The following KCND3 variants were observed in gnomAD, a reference collection of about 807,000 sequenced individuals.
KCND3 encodes potassium voltage-gated channel subfamily D member 3.
Under a neutral mutation model 51.1 loss-of-function variants are expected in KCND3, and 9 were observed. The observed-to-expected ratio is 0.18, with a 90% CI of 0.11 to 0.31. The LOEUF (loss-of-function observed/expected upper bound fraction) is 0.31. Ranked by LOEUF, KCND3 falls within the 10% of genes least tolerant of loss-of-function variation. The probability of loss-of-function intolerance (pLI) is 1.00; values close to 1 mark genes in which losing one functional copy is unlikely to be tolerated. For missense variants in KCND3, 526 were observed against 903.8 expected (o/e 0.58, Z 5.36); for synonymous variants, 349 against 368.0 (o/e 0.95, Z 0.59).
At chr1:111,892,574 C>G (rs1374722770) in intron 2 of KCND3, among the ~76,000 whole-genome samples, 3 of 152,160 alleles carry the variant, frequency 2.0e-5, no homozygotes, top group Admixed American at 2.0e-4. Context: ...ACAGACCAGG[C>G]TATGTTTCCT....
At chr1:111,871,960 T>A (rs1668845827) in intron 2 of KCND3, among the ~76,000 whole-genome samples, 1 of 152,140 alleles carries the variant, frequency 6.6e-6, no homozygotes, top group East Asian at 1.9e-4. Context: ...GGCCACTGGA[T>A]TTGGGGCCTG....
At chr1:111,856,235 G>A (rs1166183865) in intron 2 of KCND3, among the ~76,000 whole-genome samples, 1 of 152,236 alleles carries the variant, frequency 6.6e-6, no homozygotes, top group African/African-American at 2.4e-5. Flanking sequence ...TGTGGGGTGG[G>A]GAGATGTTTT....
At chr1:111,879,086 G>C (rs1277304382) in intron 2 of KCND3, among the ~76,000 whole-genome samples, 2 of 152,134 alleles carry the variant, frequency 1.3e-5, no homozygotes, top group Non-Finnish European at 2.9e-5. Flanking sequence ...GCTCTCCTTA[G>C]GTCTTGAGCC....
chr1:111,907,365 TCTAC>T (rs1423357390), intron 2 of KCND3, among the ~76,000 whole-genome samples: 1 of 152,250 alleles, frequency 6.6e-6, no homozygotes, highest in Non-Finnish European at 1.5e-5. Context: ...TTGACTTGCT[TCTAC>T]CTATTATGGC....
chr1:111,967,830 G>A (rs1293318194), intron 2 of KCND3, among the ~76,000 whole-genome samples: 1 of 152,174 alleles, frequency 6.6e-6, no homozygotes, highest in East Asian at 1.9e-4. Flanking sequence ...AGGATACTGA[G>A]GACTAGAGAG....
intron 2 of KCND3, among the ~76,000 whole-genome samples, chr1:111,955,704 A>G (rs1673298632): frequency 6.6e-6 from 1 of 152,232 alleles, no homozygotes; most frequent in Non-Finnish European, 1.5e-5. Flanking sequence ...GTTTTTTAGA[A>G]TAAATTATGA....
intron 3 of KCND3, among the ~76,000 whole-genome samples, chr1:111,785,560 G>A (rs536025900): frequency 2.6e-5 from 4 of 152,250 alleles, no homozygotes; most frequent in South Asian, 2.1e-4. Context: ...GCAGGGCAAG[G>A]AGCCAACCAT....
At chr1:111,967,171 AC>A (rs1190752103) in intron 2 of KCND3, among the ~76,000 whole-genome samples, 2 of 151,332 alleles carry the variant, frequency 1.3e-5, no homozygotes, top group East Asian at 3.9e-4. Flanking sequence ...AAAAAAAAAA[AC>A]AAAACAAAAA....
chr1:111,829,235 A>C (rs12072134), intron 2 of KCND3, among the ~76,000 whole-genome samples: 5,840 of 152,254 alleles, frequency 0.038, 123 homozygotes, highest in African/African-American at 0.053. Flanking sequence ...CCTAAAATGA[A>C]AGGGGATGCT....
At chr1:111,904,243 A>C (rs1422585982) in intron 2 of KCND3, among the ~76,000 whole-genome samples, 1 of 151,938 alleles carries the variant, frequency 6.6e-6, no homozygotes, top group Non-Finnish European at 1.5e-5. Context: ...CCTCTGGTCT[A>C]AGGGACTAAG....
At chr1:111,855,602 A>G (rs905864646) in intron 2 of KCND3, among the ~76,000 whole-genome samples, 7 of 152,162 alleles carry the variant, frequency 4.6e-5, no homozygotes, top group African/African-American at 1.7e-4. Flanking sequence ...TTTGGGGTAC[A>G]TATCCTTGGG....
intron 1 of KCND3, chr1:111,989,082 C>G (rs946348327): frequency 6.6e-6 from 1 of 152,304 alleles, no homozygotes; most frequent in Non-Finnish European, 1.5e-5. Context: ...GACACACCGC[C>G]GGCTCGCCGA....
At chr1:111,823,637 G>A (rs1470879704) in intron 2 of KCND3, among the ~76,000 whole-genome samples, 1 of 152,170 alleles carries the variant, frequency 6.6e-6, no homozygotes, top group Non-Finnish European at 1.5e-5. Flanking sequence ...GGTGCATTAT[G>A]TGGGGTCCAT....
intron 2 of KCND3, among the ~76,000 whole-genome samples, chr1:111,936,777 T>C (rs1672242080): frequency 6.6e-6 from 1 of 152,210 alleles, no homozygotes; most frequent in Admixed American, 6.5e-5. Context: ...CTAAATCCAA[T>C]TGGAATTTTA....
At chr1:111,961,489 G>A (rs1278195531) in intron 2 of KCND3, among the ~76,000 whole-genome samples, 2 of 152,124 alleles carry the variant, frequency 1.3e-5, no homozygotes, top group African/African-American at 4.8e-5. Flanking sequence ...CTTAGTGCAG[G>A]GGAGCACAGG....
chr1:111,899,257 C>T (rs1240641883), intron 2 of KCND3, among the ~76,000 whole-genome samples: 1 of 152,248 alleles, frequency 6.6e-6, no homozygotes, highest in Non-Finnish European at 1.5e-5. Flanking sequence ...ACTGATCCCC[C>T]AGGGGCTTCT....
At chr1:111,897,877 G>A (rs558075231) in intron 2 of KCND3, among the ~76,000 whole-genome samples, 3 of 152,232 alleles carry the variant, frequency 2.0e-5, no homozygotes, top group African/African-American at 4.8e-5. Flanking sequence ...GCATAAAGGA[G>A]AAAATACTTT....
chr1:111,893,627 T>C (rs1281130620), intron 2 of KCND3, among the ~76,000 whole-genome samples: 3 of 152,198 alleles, frequency 2.0e-5, no homozygotes, highest in African/African-American at 7.2e-5. Context: ...TGCTTCACCC[T>C]CTGTTAGGTG....
At chr1:111,806,325 G>A (rs1030205918) in intron 2 of KCND3, among the ~76,000 whole-genome samples, 3 of 152,200 alleles carry the variant, frequency 2.0e-5, no homozygotes, top group Non-Finnish European at 2.9e-5. Context: ...TGGCCCTCAC[G>A]GCCCGGCCCT....
Sources: allele counts gnomAD v4.1 joint callset (sites outside exome capture counted in the v4.1 genomes callset), GRCh38; gene constraint gnomAD v4.1.1; transcripts MANE v1.5; gene names NCBI Gene and HGNC (gene_info 2026-07-23, HGNC 2026-07-21).